GMDS: variants seen among roughly 807,000 people sequenced by gnomAD.
GMDS encodes the protein GDP-mannose 4,6-dehydratase.
Under a neutral mutation model 49.9 loss-of-function variants are expected in GMDS, and 20 were observed. The ratio of observed to expected loss-of-function variants is 0.40; its 90% CI spans 0.28 to 0.58. GMDS has a LOEUF of 0.58. Among genes scored for constraint, GMDS ranks in the 20% least tolerant of loss-of-function variants. The pLI, the probability that GMDS is intolerant of heterozygous loss-of-function variation, is 0.42. For missense variants in GMDS, 362 were observed against 481.4 expected, an observed-to-expected ratio of 0.75 and a Z score of 2.32; for synonymous variants, 177 against 178.6, an observed-to-expected ratio of 0.99 and a Z score of 0.07.
chr6:2,072,068 C>T (rs1327983652), intron 4 of GMDS, among the ~76,000 whole-genome samples: 1 of 152,092 alleles, frequency 6.6e-6, no homozygotes. Context: ...GGCGTGTGTG[C>T]ATGTGTGTGT....
At chr6:2,030,027 G>C (rs1768852560) in intron 4 of GMDS, among the ~76,000 whole-genome samples, 1 of 152,042 alleles carries the variant, frequency 6.6e-6, no homozygotes, top group African/African-American at 2.4e-5. Flanking sequence ...TTCTCCCAGT[G>C]ATATGAAGAC....
At chr6:1,867,066 T>C (rs1021859008) in intron 7 of GMDS, among the ~76,000 whole-genome samples, 1 of 152,256 alleles carries the variant, frequency 6.6e-6, no homozygotes, top group Non-Finnish European at 1.5e-5. Flanking sequence ...TTTAGCTACA[T>C]TTCCCAATTC....
chr6:1,930,383 A>G (rs764908497), intron 6 of GMDS, 153 bp from the exon 7 acceptor site: 13 of 574,520 alleles, frequency 2.3e-5, no homozygotes, highest in Non-Finnish European at 3.9e-5. Flanking sequence ...AAAAGAGAAA[A>G]GATCATTAAC....
chr6:1,966,005 T>C (rs1055774533), intron 4 of GMDS, among the ~76,000 whole-genome samples: 1 of 152,232 alleles, frequency 6.6e-6, no homozygotes, highest in Admixed American at 6.5e-5. Context: ...TTATAGGTCA[T>C]AGCCCTATAA....
Position 2,245,379 on chromosome 6 carries a change from C to G in GMDS, c.44G>C (p.Gly15Ala). 1 of 1,547,604 alleles carries G rather than the reference C, an allele frequency of 6.5e-7. No homozygotes were observed. Among genetic ancestry groups the G allele is most frequent in the Non-Finnish European group, 8.7e-7 (1 of 1,152,422 alleles). ...CCTGGGCTTGCCCATCTCGCCGTCC[C>G]CGGAGCCCCGGGCGCTGGGGCAGCG... ...PARCPSARGS[G>A]DGEMGKPRNV... is the part of the protein sequence containing the mutation. The change falls in exon 1 of 11, where the codon GGG becomes GCG. Residue 15 changes from glycine to alanine, a missense_variant. Gly to Ala is a moderately conservative substitution (Grantham distance 60). Coordinates refer to ENST00000380815, the MANE Select transcript of GMDS (RefSeq NM_001500.4).
intron 4 of GMDS, among the ~76,000 whole-genome samples, chr6:2,003,358 A>G (rs1287166240): frequency 6.6e-6 from 1 of 152,198 alleles, no homozygotes; most frequent in African/African-American, 2.4e-5. Context: ...TTTGCAAATT[A>G]GGAAACCATA....
intron 4 of GMDS, among the ~76,000 whole-genome samples, chr6:2,106,161 A>G (rs1048138424): frequency 6.6e-6 from 1 of 152,366 alleles, no homozygotes; most frequent in Middle Eastern, 3.4e-3. Flanking sequence ...CTTCGATCTT[A>G]GACATTTTTC....
intron 9 of GMDS, among the ~76,000 whole-genome samples, chr6:1,664,977 A>C (rs976552813): frequency 4.6e-5 from 7 of 152,226 alleles, no homozygotes; most frequent in African/African-American, 1.7e-4. Context: ...CTGCATACTC[A>C]GCTGGCTTTG....
intron 4 of GMDS, among the ~76,000 whole-genome samples, chr6:2,016,442 C>A (rs551931866): frequency 1.3e-5 from 2 of 152,172 alleles, no homozygotes; most frequent in Admixed American, 6.5e-5. Flanking sequence ...AATAGAGCTA[C>A]AAGATATATG....
At chr6:1,686,351 G>C (rs182723404) in intron 9 of GMDS, among the ~76,000 whole-genome samples, 53 of 152,346 alleles carry the variant, frequency 3.5e-4, no homozygotes, top group African/African-American at 1.2e-3. Context: ...ACACCCAGAA[G>C]CAAGTGCATG....
At chr6:2,129,817 C>T (rs925377969) in intron 1 of GMDS, among the ~76,000 whole-genome samples, 6 of 152,144 alleles carry the variant, frequency 3.9e-5, no homozygotes, top group African/African-American at 7.2e-5. Flanking sequence ...GTGAAGAATA[C>T]GGAGACAGAA....
intron 7 of GMDS, among the ~76,000 whole-genome samples, chr6:1,746,915 T>C (rs1345193707): frequency 6.6e-6 from 1 of 152,170 alleles, no homozygotes; most frequent in Non-Finnish European, 1.5e-5. Flanking sequence ...TTGGTCAGGC[T>C]GGTCTTGAAC....
chr6:2,058,754 G>C (rs551681059), intron 4 of GMDS, among the ~76,000 whole-genome samples: 1 of 152,148 alleles, frequency 6.6e-6, no homozygotes, highest in African/African-American at 2.4e-5. Context: ...GAGTCAGAGC[G>C]ACGGCTGCGA....
intron 7 of GMDS, among the ~76,000 whole-genome samples, chr6:1,927,233 G>C (rs149748763): frequency 8.2e-3 from 15 of 1,836 alleles, no homozygotes; most frequent in South Asian, 0.025. Flanking sequence ...TAGCGTGTTG[G>C]TGTATTTTTA....
chr6:1,799,965 T>TC (rs1313073425), intron 7 of GMDS, among the ~76,000 whole-genome samples: 1 of 152,180 alleles, frequency 6.6e-6, no homozygotes, highest in East Asian at 1.9e-4. Flanking sequence ...TACCTTAATG[T>TC]CTTTTTTTAA....
At chr6:1,624,806 G>T (rs1762797817) in intron 9 of GMDS, 4 of 343,396 alleles carry the variant, frequency 1.2e-5, no homozygotes, top group Non-Finnish European at 2.1e-5. Flanking sequence ...TCTCCCCAAG[G>T]CGTCCCTTGG....
chr6:2,220,236 A>C (rs1214537980), intron 1 of GMDS, among the ~76,000 whole-genome samples: 1 of 152,166 alleles, frequency 6.6e-6, no homozygotes, highest in Non-Finnish European at 1.5e-5. Context: ...AATACTTCTG[A>C]TGTTTCTTTT....
rs994794156 is a variant in GMDS, at chr6:1,861,619, A to C, written c.771+68484T>G. On this transcript the variant is annotated intron_variant, in intron 7 of 10. Transcript: ENST00000380815. ...AGAGGGCATCACTGCTCTTTCTCCC[A>C]AAAAAAAAAAAAAGAAAAAAAAATG... Among the ~76,000 whole-genome samples, 784 of 132,490 alleles carry C rather than the reference A, an allele frequency of 5.9e-3. 3 individuals are homozygous for C. The highest frequency in any genetic ancestry group is 0.02 in the African/African-American group (736 of 36,294). The allele number at this position is 132,490 out of a possible 152,430, so 86.9% of individuals were successfully genotyped here.
intron 7 of GMDS, among the ~76,000 whole-genome samples, chr6:1,858,285 T>G (rs952567350): frequency 2.6e-5 from 4 of 152,302 alleles, no homozygotes; most frequent in South Asian, 4.1e-4. Flanking sequence ...TAAGTTCAGA[T>G]GGACCGGGTT....
Sources: gnomAD v4.1 joint callset for allele counts (sites outside exome capture counted in the v4.1 genomes callset) on GRCh38, gnomAD v4.1.1 for gene constraint, MANE v1.5 for transcripts, NCBI Gene and HGNC (gene_info 2026-07-23, HGNC 2026-07-21) for gene names.